Variants in MACROD2 observed in about 807,000 individuals in gnomAD.
The protein encoded by MACROD2 is ADP-ribose glycohydrolase MACROD2.
A neutral mutation model predicts 70.4 loss-of-function variants in MACROD2; 36 were observed. The observed-to-expected ratio is 0.51, with a 90% confidence interval of 0.39 to 0.68. The LOEUF is 0.68. MACROD2 is among the 30% of genes least tolerant of loss of function. The pLI is 0.00. For missense variants in MACROD2, 496 were observed against 538.4 expected (o/e 0.92, Z 0.78); for synonymous variants, 172 against 178.8 (o/e 0.96, Z 0.30).
At chr20:15,392,448 A>G (rs2146295411) in intron 6 of MACROD2, among the ~76,000 whole-genome samples, 1 of 152,198 alleles carries the variant, frequency 6.6e-6, no homozygotes, top group South Asian at 2.1e-4. Flanking sequence ...TGATCATTCC[A>G]TATTTTTATA....
chr20:15,397,235 A>G (rs1229817210), intron 6 of MACROD2, among the ~76,000 whole-genome samples: 2 of 151,988 alleles, frequency 1.3e-5, no homozygotes, highest in Non-Finnish European at 2.9e-5. Context: ...ATGTCCTTAC[A>G]TCTCATGTAT....
chr20:15,259,753 C>CT (rs202198530), intron 6 of MACROD2, among the ~76,000 whole-genome samples: 2,929 of 151,750 alleles, frequency 0.019, 32 homozygotes, highest in South Asian at 0.037. Flanking sequence ...ACACCATAGG[C>CT]TTTTTTTTCC....
At chr20:15,934,114 A>T (rs535188103) in intron 11 of MACROD2, among the ~76,000 whole-genome samples, 2 of 152,182 alleles carry the variant, frequency 1.3e-5, no homozygotes, top group Non-Finnish European at 2.9e-5. Flanking sequence ...ATAAAAATAA[A>T]AATCCCTGTT....
At chr20:14,451,502 C>G (rs1355146440) in intron 3 of MACROD2, among the ~76,000 whole-genome samples, 1 of 152,128 alleles carries the variant, frequency 6.6e-6, no homozygotes, top group Non-Finnish European at 1.5e-5. Flanking sequence ...GTCACTAGAG[C>G]TTAATCCCAC....
At chr20:14,934,119 T>G (rs1431647727) in intron 5 of MACROD2, among the ~76,000 whole-genome samples, 1 of 152,180 alleles carries the variant, frequency 6.6e-6, no homozygotes, top group Non-Finnish European at 1.5e-5. Flanking sequence ...TGGTGCCTCT[T>G]GCAGCACGTC....
intron 8 of MACROD2, among the ~76,000 whole-genome samples, chr20:15,801,734 A>G (rs2063728425): frequency 6.6e-6 from 1 of 152,130 alleles, no homozygotes; most frequent in Non-Finnish European, 1.5e-5. Flanking sequence ...ATTTCTGTGA[A>G]AAATATCATT....
intron 4 of MACROD2, among the ~76,000 whole-genome samples, chr20:14,600,842 G>T (rs1982450223): frequency 1.3e-5 from 2 of 152,142 alleles, no homozygotes; most frequent in South Asian, 4.1e-4. Flanking sequence ...CAGGTATACT[G>T]TCTTTGCTTT....
intron 5 of MACROD2, chr20:14,906,142 G>T (rs1186755457): frequency 2.0e-5 from 3 of 152,148 alleles, no homozygotes; most frequent in Admixed American, 2.0e-4. Context: ...AGTATAATAA[G>T]AGGGAAATTT....
At chr20:15,636,292 TAGA>T (rs2049368176) in intron 8 of MACROD2, among the ~76,000 whole-genome samples, 1 of 152,100 alleles carries the variant, frequency 6.6e-6, no homozygotes, top group Non-Finnish European at 1.5e-5. Flanking sequence ...GAACACATTC[TAGA>T]AGAACCAGAT....
chr20:15,206,721 G>GTTTTTTGTTTTTTTTTTTTTTTTTTTTT (rs2076707269), intron 5 of MACROD2, among the ~76,000 whole-genome samples: 1 of 32,990 alleles, frequency 3.0e-5, no homozygotes, highest in Non-Finnish European at 5.1e-5. Context: ...TATTATCTAT[G>GTTTTTTGTTTTTTTTTTTTTTTTTTTTT]TTTTTTTTTT....
At chr20:15,083,346 T>C (rs1025801060) in intron 5 of MACROD2, among the ~76,000 whole-genome samples, 2 of 152,178 alleles carry the variant, frequency 1.3e-5, no homozygotes, top group Non-Finnish European at 2.9e-5. Flanking sequence ...ATTTTCTTCT[T>C]TCACTAAAAC....
intron 5 of MACROD2, among the ~76,000 whole-genome samples, chr20:14,819,546 A>G (rs562012885): frequency 5.5e-4 from 83 of 152,152 alleles, no homozygotes; most frequent in Middle Eastern, 6.8e-3. Context: ...ACAGCTTACC[A>G]TCCGGTAGGG....
chr20:14,702,737 T>A (rs111703774), intron 5 of MACROD2, among the ~76,000 whole-genome samples: 2,780 of 141,784 alleles, frequency 0.02, 135 homozygotes, highest in African/African-American at 0.061. Context: ...ATATATATAT[T>A]TTTTTTTGAG....
At chr20:14,015,533 G>C (rs1006185488) in intron 2 of MACROD2, among the ~76,000 whole-genome samples, 1 of 152,172 alleles carries the variant, frequency 6.6e-6, no homozygotes, top group South Asian at 2.1e-4. Flanking sequence ...GCTGTGATTT[G>C]CACTACTGTA....
At chr20:15,272,761 G>A (rs780202562) in intron 6 of MACROD2, among the ~76,000 whole-genome samples, 30 of 152,042 alleles carry the variant, frequency 2.0e-4, no homozygotes, top group African/African-American at 5.1e-4. Context: ...TTATAGTGAG[G>A]GCAACTAATT....
intron 6 of MACROD2, among the ~76,000 whole-genome samples, chr20:15,419,859 G>A (rs1217068700): frequency 6.6e-6 from 1 of 152,198 alleles, no homozygotes; most frequent in Non-Finnish European, 1.5e-5. Flanking sequence ...GGTCATTGAA[G>A]GGTCACCATT....
intron 5 of MACROD2, among the ~76,000 whole-genome samples, chr20:14,687,944 T>C (rs1043985114): frequency 3.9e-5 from 6 of 152,234 alleles, no homozygotes; most frequent in African/African-American, 1.4e-4. Context: ...CAAGCCCTTA[T>C]ATTTAAAATT....
chr20:14,667,033 C>T (rs1439500513), intron 4 of MACROD2, among the ~76,000 whole-genome samples: 1 of 151,782 alleles, frequency 6.6e-6, no homozygotes, highest in African/African-American at 2.4e-5. Context: ...AAACTTCTGA[C>T]AAGATCCAAT....
rs1027664166 is a variant in MACROD2 at position 14,276,015 on chromosome 20, T to C, written c.271+190287T>C. Among the ~76,000 whole-genome samples the C allele has an allele frequency of 5.0e-3, 762 of 151,768 alleles. 3 individuals are homozygous for C. Among genetic ancestry groups the C allele is most frequent in the Non-Finnish European group, 7.5e-3 (507 of 67,720 alleles). On this transcript the variant is annotated intron_variant, in intron 3 of 17. Coordinates refer to ENST00000684519, the MANE Select transcript of MACROD2 (RefSeq NM_001351661.2). Reference sequence around the variant, plus strand: ...AGGATGTGGAGAAATAGGAACACTTTTACACTGTTGGTGGGACTGTAAACT... The same window carrying C: ...AGGATGTGGAGAAATAGGAACACTTCTACACTGTTGGTGGGACTGTAAACT...
Sources: allele counts gnomAD v4.1 joint callset (sites outside exome capture counted in the v4.1 genomes callset), GRCh38; gene constraint gnomAD v4.1.1; transcripts MANE v1.5; gene names NCBI Gene and HGNC (gene_info 2026-07-23, HGNC 2026-07-21).